Variants in MITF observed in about 807,000 individuals in gnomAD.
MITF encodes the protein microphthalmia-associated transcription factor.
MITF carries 17 observed loss-of-function variants against 60.5 expected under a neutral mutation model. The observed-to-expected ratio is 0.28, with a 90% CI of 0.19 to 0.42. MITF has a LOEUF of 0.42. MITF is among the 10% of genes least tolerant of loss of function. The pLI is 1.00. For synonymous variants in MITF, 260 were observed against 248.5 expected (o/e 1.05, Z -0.43); for missense variants, 622 against 683.5 (o/e 0.91, Z 1.00).
At chr3:69,832,000 A>G (rs931127169) in intron 1 of MITF, among the ~76,000 whole-genome samples, 1 of 152,196 alleles carries the variant, frequency 6.6e-6, no homozygotes, top group African/African-American at 2.4e-5. Flanking sequence ...CCCAATTTAC[A>G]CTTCCATCCA....
chr3:69,777,647 T>G (rs766602436), intron 1 of MITF, among the ~76,000 whole-genome samples: 14 of 152,078 alleles, frequency 9.2e-5, no homozygotes, highest in Non-Finnish European at 1.8e-4. Flanking sequence ...TCCTTTCAAG[T>G]CAAAATATGG....
rs2064428396 is a variant in MITF, at chr3:69,879,318, G to C, written c.289G>C (p.Ala97Pro). ...GAGAGTGCCCGTGAGTCAGACACCAGCCATAAACGTCAGTGTGCCCACCAC... is the reference window on the plus strand; with the variant it reads ...GAGAGTGCCCGTGAGTCAGACACCACCCATAAACGTCAGTGTGCCCACCAC... ...QQRVPVSQTPAINVSVPTTLP... is the reference protein window; with the variant it reads ...QQRVPVSQTPPINVSVPTTLP... Residue 97 changes from alanine (A) to proline (P), a missense_variant, in exon 2 of 10, where the codon GCC becomes CCC. This residue lies in a region of MITF where 149 missense variants were observed against 157.8 expected (regional missense o/e 0.94). Coordinates refer to ENST00000352241, the MANE Select transcript of MITF (RefSeq NM_001354604.2). 2 of 1,614,218 alleles carry C rather than the reference G, an allele frequency of 1.2e-6. No individual in the cohort carries two copies. The highest frequency in any genetic ancestry group is 1.7e-6 in the Non-Finnish European group (2 of 1,180,044).
rs1244057753 is a variant in MITF, at chr3:69,953,655, A to AT, written c.955+1770dup. Among the ~76,000 whole-genome samples the AT allele has an allele frequency of 6.4e-5, 9 of 140,202 alleles. No homozygotes were observed. In the East Asian group the frequency reaches 1.9e-3, roughly 29 times the overall value. 92.0% of individuals were successfully genotyped at this position (140,202 alleles called of 152,430 possible). ...TATATATATATATGTATGTATATAT[A>AT]TATATATAGAGAGAGAGAGAGAGAG... On this transcript the variant is annotated intron_variant, in intron 7 of 9. Coordinates refer to ENST00000352241, the MANE Select transcript of MITF (RefSeq NM_001354604.2).
At chr3:69,919,862 T>C (rs2065423180) in intron 2 of MITF, among the ~76,000 whole-genome samples, 1 of 152,112 alleles carries the variant, frequency 6.6e-6, no homozygotes, top group African/African-American at 2.4e-5. Flanking sequence ...GCTGCTGCTG[T>C]TGTTGTTTTC....
At position 69,949,117 on chromosome 3, in the gene MITF, A is replaced by G. The variant is rs761213984; in HGVS notation, c.829A>G (p.Ile277Val). ...NQGLPPPGLT[I>V]SNSCPANLPN... Reference sequence around the variant, plus strand: ...AGGTCTGCCCCCACCAGGCCTCACCATCAGCAACTCCTGTCCAGCCAACCT... The same window carrying G: ...AGGTCTGCCCCCACCAGGCCTCACCGTCAGCAACTCCTGTCCAGCCAACCT... Residue 277 changes from isoleucine to valine, a missense_variant, in exon 6 of 10, where the codon ATC becomes GTC. Transcript: ENST00000352241. The G allele has an allele frequency of 6.2e-7, 1 of 1,613,792 alleles. No individual in the cohort carries two copies. Among genetic ancestry groups the G allele is most frequent in the Admixed American group, 1.7e-5 (1 of 59,966 alleles).
chr3:69,958,413 T>C (rs1334963675), intron 8 of MITF, among the ~76,000 whole-genome samples: 1 of 152,178 alleles, frequency 6.6e-6, no homozygotes, highest in East Asian at 1.9e-4. Flanking sequence ...ACTGTCCCTC[T>C]TATGGGAGAA....
intron 1 of MITF, among the ~76,000 whole-genome samples, chr3:69,749,208 C>T (rs1703839264): frequency 6.6e-6 from 1 of 152,156 alleles, no homozygotes; most frequent in Non-Finnish European, 1.5e-5. Context: ...TGCAGTGTGT[C>T]CTAAATTCGT....
chr3:69,862,738 T>G (rs1351879527), intron 1 of MITF, among the ~76,000 whole-genome samples: 1 of 152,218 alleles, frequency 6.6e-6, no homozygotes. Context: ...GTTGATTACT[T>G]TAAATCCCAT....
intron 1 of MITF, among the ~76,000 whole-genome samples, chr3:69,763,396 C>T (rs1046546889): frequency 2.0e-5 from 3 of 152,102 alleles, no homozygotes; most frequent in Non-Finnish European, 2.9e-5. Flanking sequence ...AGCCAAGTAA[C>T]CTGTTGATGT....
chr3:69,830,535 G>T (rs2063429064), intron 1 of MITF, among the ~76,000 whole-genome samples: 1 of 152,164 alleles, frequency 6.6e-6, no homozygotes. Context: ...CCTGGCACTT[G>T]CTACCTTTAA....
intron 1 of MITF, among the ~76,000 whole-genome samples, chr3:69,787,577 C>T (rs1259413855): frequency 6.6e-6 from 1 of 152,122 alleles, no homozygotes; most frequent in African/African-American, 2.4e-5. Context: ...ATTTGTAAAG[C>T]ATTAAGTTGA....
intron 1 of MITF, among the ~76,000 whole-genome samples, chr3:69,843,874 C>T (rs991930084): frequency 2.8e-4 from 43 of 152,128 alleles, no homozygotes; most frequent in African/African-American, 9.9e-4. Context: ...GGTATTTCTC[C>T]TAATGCTTTC....
At chr3:69,960,010 C>G (rs1303875427) in intron 9 of MITF, among the ~76,000 whole-genome samples, 1 of 152,144 alleles carries the variant, frequency 6.6e-6, no homozygotes, top group African/African-American at 2.4e-5. Flanking sequence ...ATACATAAAA[C>G]AAGATTAAGT....
At chr3:69,768,684 T>A (rs2062341226) in intron 1 of MITF, among the ~76,000 whole-genome samples, 1 of 152,190 alleles carries the variant, frequency 6.6e-6, no homozygotes, top group Non-Finnish European at 1.5e-5. Flanking sequence ...GATAAGTGGC[T>A]TATTTTAAAG....
At chr3:69,855,624 A>G (rs946649155) in intron 1 of MITF, among the ~76,000 whole-genome samples, 1 of 152,076 alleles carries the variant, frequency 6.6e-6, no homozygotes. Flanking sequence ...AGCTGGCTCC[A>G]TCTAGTGTAT....
chr3:69,784,958 G>A lies in MITF; in HGVS notation c.104+45257G>A, dbSNP rs530416672. Among the ~76,000 whole-genome samples, 11 of 152,068 alleles carry A rather than the reference G, an allele frequency of 7.2e-5. 1 individual carries two copies. In the South Asian group the frequency reaches 2.3e-3, roughly 32 times the overall value. On this transcript the variant is annotated intron_variant, in intron 1 of 9. Coordinates refer to ENST00000352241, the MANE Select transcript of MITF (RefSeq NM_001354604.2). The stretch of plus-strand genomic sequence containing the variant: ...TGTCCCATTCTGGAGAGACTGGCGT[G>A]GACTGTGGGCCCCTGCAGCCAGCTG...
At chr3:69,796,502 T>G (rs1323734942) in intron 1 of MITF, among the ~76,000 whole-genome samples, 8 of 117,270 alleles carry the variant, frequency 6.8e-5, no homozygotes, top group Non-Finnish European at 1.6e-4. Context: ...TTCTTTTTTT[T>G]TTTTTTTTTT....
chr3:69,887,778 G>A (rs974147131), intron 2 of MITF, among the ~76,000 whole-genome samples: 3 of 151,988 alleles, frequency 2.0e-5, no homozygotes, highest in African/African-American at 4.8e-5. Flanking sequence ...GATTGGAAGC[G>A]GTGGTGGTCA....
At chr3:69,742,878 TTC>T (rs1364465872) in intron 1 of MITF, among the ~76,000 whole-genome samples, 1 of 152,232 alleles carries the variant, frequency 6.6e-6, no homozygotes, top group African/African-American at 2.4e-5. Context: ...TTCCTCCAAA[TTC>T]TCTGTCTTCT....
Sources: gnomAD v4.1 joint callset for allele counts (sites outside exome capture counted in the v4.1 genomes callset) on GRCh38, gnomAD v4.1.1 for gene constraint, gnomAD v4.1.1 regional missense constraint, MANE v1.5 for transcripts, NCBI Gene and HGNC (gene_info 2026-07-23, HGNC 2026-07-21) for gene names.